Variants in PEAK1 observed in about 807,000 individuals in gnomAD.
PEAK1 encodes pseudopodium enriched atypical kinase 1.
A neutral mutation model predicts 124.7 loss-of-function variants in PEAK1; 54 were observed. The observed-to-expected ratio is 0.43, with a 90% confidence interval of 0.35 to 0.54. The LOEUF is 0.54. Among genes scored for constraint, PEAK1 ranks in the 20% least tolerant of loss-of-function variants. The pLI is 0.01. For synonymous variants in PEAK1, 719 were observed against 760.0 expected, an observed-to-expected ratio of 0.95 and a Z score of 0.89; for missense variants, 2,046 against 2,134.5, an observed-to-expected ratio of 0.96 and a Z score of 0.82.
In PEAK1 at chr15:77,113,998, C is replaced by T. The variant is rs1174498536; in HGVS notation, c.*158G>A. The T allele has an allele frequency of 9.8e-6, 7 of 713,666 alleles. No homozygotes were observed. The African/African-American group carries it at 1.1e-4, about 11-fold the overall frequency. 44.2% of individuals were successfully genotyped at this position (713,666 alleles called of 1,614,324 possible). A position where few individuals can be genotyped will look rare whatever the true frequency, so the allele number is the denominator to read the frequency against. ...ACTCAGCTTCTCATTCAATCTGGGGCAGTGGATAACCTTTCTGAATAGACC... is the reference window on the plus strand; with the variant it reads ...ACTCAGCTTCTCATTCAATCTGGGGTAGTGGATAACCTTTCTGAATAGACC... On this transcript the variant is annotated 3_prime_UTR_variant, in exon 10 of 10. Coordinates refer to ENST00000682557, the MANE Select transcript of PEAK1 (RefSeq NM_001385026.1).
intron 9 of PEAK1, among the ~76,000 whole-genome samples, chr15:77,126,372 G>A (rs1024390958): frequency 6.6e-6 from 1 of 151,872 alleles, no homozygotes; most frequent in Non-Finnish European, 1.5e-5. Flanking sequence ...TCCAATTTTT[G>A]GAAATACTTA....
chr15:77,152,731 T>C (rs1331642212), intron 8 of PEAK1, among the ~76,000 whole-genome samples: 7 of 152,162 alleles, frequency 4.6e-5, no homozygotes, highest in Non-Finnish European at 7.4e-5. Context: ...GCCTTTTCTG[T>C]ATCTATTGAG....
intron 8 of PEAK1, among the ~76,000 whole-genome samples, chr15:77,141,220 C>T (rs1445921834): frequency 2.6e-5 from 4 of 152,036 alleles, no homozygotes; most frequent in Admixed American, 6.5e-5. Flanking sequence ...GATCAACATA[C>T]AAAAACCAAT....
At chr15:77,380,866 G>A (rs771058688) in intron 1 of PEAK1, among the ~76,000 whole-genome samples, 2 of 152,120 alleles carry the variant, frequency 1.3e-5, no homozygotes, top group Non-Finnish European at 2.9e-5. Flanking sequence ...GGAAACCCTG[G>A]TATGCCACTT....
intron 9 of PEAK1, among the ~76,000 whole-genome samples, chr15:77,120,780 C>T (rs1409472904): frequency 6.6e-6 from 1 of 152,206 alleles, no homozygotes; most frequent in African/African-American, 2.4e-5. Flanking sequence ...CTGGCCTTGC[C>T]TCCCTTTCCA....
chr15:77,375,983 A>G (rs2068988394), intron 1 of PEAK1, among the ~76,000 whole-genome samples: 1 of 151,676 alleles, frequency 6.6e-6, no homozygotes, highest in South Asian at 2.1e-4. Context: ...TGGGAGACAG[A>G]GCGAGACTCC....
At chr15:77,309,740 G>T (rs1195521589) in intron 2 of PEAK1, among the ~76,000 whole-genome samples, 1 of 151,982 alleles carries the variant, frequency 6.6e-6, no homozygotes, top group Non-Finnish European at 1.5e-5. Context: ...CAACTAATTT[G>T]TCATTGCATA....
At chr15:77,333,142 C>G (rs1485914750) in intron 2 of PEAK1, 7 of 962,078 alleles carry the variant, frequency 7.3e-6, no homozygotes, top group Non-Finnish European at 8.7e-6. Context: ...AACTAAAACA[C>G]TTTATTTATT....
chr15:77,345,948 A>G, intron 2 of PEAK1: 1 of 985,388 alleles, frequency 1.0e-6, no homozygotes, highest in Non-Finnish European at 1.2e-6. Context: ...GCACATAGCA[A>G]TGGCAAAGGT....
At chr15:77,366,486 T>A (rs1429476389) in intron 1 of PEAK1, among the ~76,000 whole-genome samples, 1 of 151,858 alleles carries the variant, frequency 6.6e-6, no homozygotes, top group African/African-American at 2.4e-5. Flanking sequence ...ATATATAATA[T>A]TATAATAATG....
intron 6 of PEAK1, among the ~76,000 whole-genome samples, chr15:77,240,362 G>GAT (rs1215610908): frequency 6.6e-6 from 1 of 152,028 alleles, no homozygotes; most frequent in Non-Finnish European, 1.5e-5. Flanking sequence ...GCTCACACCT[G>GAT]TAATCCAAGC....
At chr15:77,252,622 C>T in intron 5 of PEAK1, 96 bp from the exon 6 acceptor site, 1 of 684,630 alleles carries the variant, frequency 1.5e-6, no homozygotes, top group East Asian at 1.3e-4. Context: ...CACCCTCACT[C>T]AACAGTTATA....
intron 8 of PEAK1, among the ~76,000 whole-genome samples, chr15:77,150,877 G>A (rs560627293): frequency 6.6e-6 from 1 of 152,260 alleles, no homozygotes; most frequent in Non-Finnish European, 1.5e-5. Context: ...ATTCCATGGT[G>A]TATATGTGCC....
At chr15:77,272,023 T>A (rs999230665) in intron 5 of PEAK1, among the ~76,000 whole-genome samples, 2 of 151,784 alleles carry the variant, frequency 1.3e-5, no homozygotes, top group African/African-American at 2.4e-5. Flanking sequence ...GATCACTGAG[T>A]CAAAAATGAA....
rs1487453396 is a variant in PEAK1, at chr15:77,142,659, T to A, written c.3332-8909A>T. Among the ~76,000 whole-genome samples, 5 of 152,170 alleles carry A rather than the reference T, an allele frequency of 3.3e-5. 1 individual carries two copies. The highest frequency in any genetic ancestry group is 4.8e-5 in the African/African-American group (2 of 41,436). On this transcript the variant is annotated intron_variant, in intron 8 of 9. Transcript: ENST00000682557. ...GAGTGAAGTACTGATGTATGTATGCTAAAACATGGAAAAACCTTGAAAACA... is the reference window on the plus strand; with the variant it reads ...GAGTGAAGTACTGATGTATGTATGCAAAAACATGGAAAAACCTTGAAAACA...
chr15:77,326,267 G>C (rs537263140), intron 2 of PEAK1, among the ~76,000 whole-genome samples: 2 of 152,188 alleles, frequency 1.3e-5, no homozygotes, highest in African/African-American at 4.8e-5. Flanking sequence ...TGATAAAGGA[G>C]ATGCTCAAAA....
chr15:77,236,695 T>C (rs1039844734), intron 6 of PEAK1, among the ~76,000 whole-genome samples: 2 of 152,110 alleles, frequency 1.3e-5, no homozygotes, highest in Non-Finnish European at 2.9e-5. Flanking sequence ...GGGCCAGGGA[T>C]GGAATGATAT....
intron 6 of PEAK1, among the ~76,000 whole-genome samples, chr15:77,210,636 T>C (rs1404661169): frequency 1.3e-5 from 2 of 152,078 alleles, no homozygotes; most frequent in African/African-American, 2.4e-5. Flanking sequence ...TCCCAACACT[T>C]TGGGAGGCAG....
chr15:77,181,733 A>T lies in PEAK1; in HGVS notation c.194T>A (p.Val65Glu). The change falls in exon 7 of 10, where the codon GTG (valine) becomes GAG (glutamate). Residue 65 changes from valine to glutamate, a missense_variant. Coordinates refer to ENST00000682557, the MANE Select transcript of PEAK1 (RefSeq NM_001385026.1). ...CACAGCTATAGTGGGTTTTTTAGCCACAGGAGGCCGGAAATTGCCCGTGTT... is the reference window on the plus strand; with the variant it reads ...CACAGCTATAGTGGGTTTTTTAGCCTCAGGAGGCCGGAAATTGCCCGTGTT... ...IRNTGNFRPP[V>E]AKKPTIAVKP... The T allele has an allele frequency of 6.2e-7, 1 of 1,614,052 alleles. No individual in the cohort carries two copies. The highest frequency in any genetic ancestry group is 8.5e-7 in the Non-Finnish European group (1 of 1,180,004).
Sources: allele counts gnomAD v4.1 joint callset (sites outside exome capture counted in the v4.1 genomes callset), GRCh38; gene constraint gnomAD v4.1.1; transcripts MANE v1.5; gene names NCBI Gene and HGNC (gene_info 2026-07-23, HGNC 2026-07-21).